The following MRPS27 variants were observed in gnomAD, a reference collection of about 807,000 sequenced individuals.
MRPS27 encodes small ribosomal subunit protein mS27.
A neutral mutation model predicts 48.9 loss-of-function variants in MRPS27; 43 were observed. The ratio of observed to expected loss-of-function variants is 0.88; its 90% CI spans 0.69 to 1.13. The LOEUF is 1.13. MRPS27 is among the 50% of genes most tolerant of loss of function. MRPS27 has a pLI of 0.00. For missense variants in MRPS27, 467 were observed against 476.3 expected (o/e 0.98, Z 0.18); for synonymous variants, 188 against 171.9 (o/e 1.09, Z -0.73).
intron 7 of MRPS27, among the ~76,000 whole-genome samples, chr5:72,230,762 T>C (rs1418788997): frequency 2.0e-5 from 3 of 152,174 alleles, no homozygotes; most frequent in African/African-American, 7.2e-5. Flanking sequence ...ATTTTTCTCA[T>C]AACATCCAGT....
chr5:72,317,033 A>C (rs1052720777), intron 1 of MRPS27, among the ~76,000 whole-genome samples: 1 of 151,764 alleles, frequency 6.6e-6, no homozygotes, highest in Admixed American at 6.6e-5. Context: ...CCGTCTCAAA[A>C]AAAAAAAAAA....
intron 2 of MRPS27, among the ~76,000 whole-genome samples, chr5:72,312,606 G>A (rs902002124): frequency 6.6e-5 from 10 of 151,620 alleles, no homozygotes; most frequent in African/African-American, 2.2e-4. Context: ...GTATCGTGGC[G>A]AAGGAATCAT....
Position 72,220,128 on chromosome 5 carries a change from A to G in MRPS27, c.*781T>C, listed in dbSNP as rs1386323096. ...GTATCCCACAGCCAGCTCACAGTGC[A>G]GCTTGCACTCAGAAAGGAGACTCAG... On this transcript the variant is annotated 3_prime_UTR_variant, in exon 11 of 11. Transcript: ENST00000261413. 6.5e-6 allele frequency: 1 copy of G among 152,784 alleles called. No individual in the cohort carries two copies. Among genetic ancestry groups the G allele is most frequent in the African/African-American group, 2.4e-5 (1 of 41,468 alleles). The allele number at this position is 152,784 out of a possible 1,614,324, so 9.5% of individuals were successfully genotyped here. A position where few individuals can be genotyped will look rare whatever the true frequency, so the allele number is the denominator to read the frequency against.
At chr5:72,314,814 T>G (rs1750525646) in intron 1 of MRPS27, 1 of 152,266 alleles carries the variant, frequency 6.6e-6, no homozygotes, top group Admixed American at 6.5e-5. Context: ...AAACACCTGC[T>G]GACTGTTGCT....
intron 3 of MRPS27, 51 bp from the exon 4 acceptor site, chr5:72,295,640 T>C: frequency 2.1e-6 from 3 of 1,455,114 alleles, no homozygotes; most frequent in Non-Finnish European, 2.9e-6. Context: ...ATGTCATATA[T>C]TTGGCCTAGG....
At chr5:72,308,790 C>T (rs567406674) in intron 2 of MRPS27, among the ~76,000 whole-genome samples, 2 of 152,348 alleles carry the variant, frequency 1.3e-5, no homozygotes, top group South Asian at 4.1e-4. Flanking sequence ...AGGAAAAAGT[C>T]TCAAAAGCTT....
chr5:72,305,824 C>G (rs1303141535), intron 2 of MRPS27, among the ~76,000 whole-genome samples: 1 of 152,204 alleles, frequency 6.6e-6, no homozygotes, highest in Non-Finnish European at 1.5e-5. Flanking sequence ...CACAGTGGAT[C>G]CTATTCTGTT....
rs184547428 is a variant in MRPS27, at chr5:72,274,333, G to A, written c.281+21198C>T. 3.8e-3 allele frequency among the ~76,000 whole-genome samples: 574 copies of A among 152,290 alleles called. 1 individual carries two copies. Among genetic ancestry groups the A allele is most frequent in the African/African-American group, 0.013 (554 of 41,552 alleles). On this transcript the variant is annotated intron_variant, in intron 4 of 10. Transcript: ENST00000261413. ...CGCTCCACTGCACTCCAGCCTGGGC[G>A]ACAGAGTGAGACTCTGTCTCAAAAA...
chr5:72,275,634 G>A lies in MRPS27; in HGVS notation c.281+19897C>T, dbSNP rs181409284. Among the ~76,000 whole-genome samples, 246 of 152,314 alleles carry A rather than the reference G, an allele frequency of 1.6e-3. 1 individual carries two copies. The highest frequency in any genetic ancestry group is 6.8e-3 in the Middle Eastern group (2 of 294). ...TAAACAAATTGAACACTCAAACAAA[G>A]GATTCTTAGCAAAGCAATTTTACTT... On this transcript the variant is annotated intron_variant, in intron 4 of 10. Transcript: ENST00000261413.
intron 4 of MRPS27, among the ~76,000 whole-genome samples, chr5:72,252,454 A>G (rs1748693558): frequency 6.6e-6 from 1 of 152,236 alleles, no homozygotes; most frequent in Non-Finnish European, 1.5e-5. Context: ...ATGATAATTA[A>G]CTAAAATGTG....
At chr5:72,295,762 T>C (rs1179120514) in intron 3 of MRPS27, among the ~76,000 whole-genome samples, 173 bp from the exon 4 acceptor site, 1 of 152,176 alleles carries the variant, frequency 6.6e-6, no homozygotes, top group African/African-American at 2.4e-5. Flanking sequence ...TGAAACCCCT[T>C]TATGCTAATG....
chr5:72,302,851 A>G (rs73128905), intron 2 of MRPS27, among the ~76,000 whole-genome samples: 1 of 152,230 alleles, frequency 6.6e-6, no homozygotes, highest in African/African-American at 2.4e-5. Flanking sequence ...AGGGAACTAC[A>G]CCTGAAGTGA....
intron 4 of MRPS27, among the ~76,000 whole-genome samples, chr5:72,270,101 G>A (rs1354527527): frequency 6.6e-6 from 1 of 151,280 alleles, no homozygotes; most frequent in Non-Finnish European, 1.5e-5. Context: ...GCTGAGGCGG[G>A]AGAATCTCTT....
intron 4 of MRPS27, among the ~76,000 whole-genome samples, chr5:72,287,719 ATAAT>A (rs764425636): frequency 5.9e-5 from 9 of 152,396 alleles, no homozygotes; most frequent in Non-Finnish European, 1.5e-5. Flanking sequence ...CATTGGGCAA[ATAAT>A]TAAAGCCACA....
chr5:72,284,264 A>C (rs1478837340), intron 4 of MRPS27, among the ~76,000 whole-genome samples: 5 of 150,084 alleles, frequency 3.3e-5, no homozygotes, highest in South Asian at 2.1e-4. Context: ...AAAAAAAAAA[A>C]CACCACCAAA....
intron 4 of MRPS27, among the ~76,000 whole-genome samples, chr5:72,279,586 G>A (rs1749477412): frequency 6.6e-6 from 1 of 152,026 alleles, no homozygotes; most frequent in Non-Finnish European, 1.5e-5. Context: ...GCGAGACCCT[G>A]TCTCTTAAAA....
chr5:72,309,641 T>C (rs1750384912), intron 2 of MRPS27, among the ~76,000 whole-genome samples: 1 of 152,218 alleles, frequency 6.6e-6, no homozygotes, highest in Non-Finnish European at 1.5e-5. Context: ...TGGATTTGTG[T>C]GACTGACTAT....
At chr5:72,317,267 T>C (rs910637761) in intron 1 of MRPS27, among the ~76,000 whole-genome samples, 4 of 152,196 alleles carry the variant, frequency 2.6e-5, no homozygotes, top group African/African-American at 9.7e-5. Flanking sequence ...GAATAATATA[T>C]CTAAATTTGA....
Position 72,234,460 on chromosome 5 carries a change from C to T in MRPS27, c.397-263G>A, listed in dbSNP as rs115613967. Among the ~76,000 whole-genome samples, 564 of 151,682 alleles carry T rather than the reference C, an allele frequency of 3.7e-3. 1 individual carries two copies. Among genetic ancestry groups the T allele is most frequent in the African/African-American group, 0.013 (548 of 41,336 alleles). On this transcript the variant is annotated intron_variant, in intron 5 of 10. Coordinates refer to ENST00000261413, the MANE Select transcript of MRPS27 (RefSeq NM_015084.3). Reference sequence around the variant, plus strand: ...AAAACTAAGGCTCCAATTCTAACACCTCATCATAGCTTAAAAAAAACATAA... The same window carrying T: ...AAAACTAAGGCTCCAATTCTAACACTTCATCATAGCTTAAAAAAAACATAA...
Sources: gnomAD v4.1 joint callset for allele counts (sites outside exome capture counted in the v4.1 genomes callset) on GRCh38, gnomAD v4.1.1 for gene constraint, MANE v1.5 for transcripts, NCBI Gene and HGNC (gene_info 2026-07-23, HGNC 2026-07-21) for gene names.